GPATCH2L: variants seen among roughly 807,000 people sequenced by gnomAD.
The protein encoded by GPATCH2L is G-patch domain containing 2 like, also known as G patch domain-containing protein 2-like.
GPATCH2L carries 31 observed loss-of-function variants against 57.4 expected under a neutral mutation model. The ratio of observed to expected loss-of-function variants is 0.54; its 90% CI spans 0.41 to 0.73. The LOEUF is 0.73. GPATCH2L is among the 30% of genes least tolerant of loss of function. The pLI, the probability that GPATCH2L is intolerant of heterozygous loss-of-function variation, is 0.00. For synonymous variants in GPATCH2L, 199 were observed against 210.7 expected, an observed-to-expected ratio of 0.94 and a Z score of 0.48; for missense variants, 481 against 599.9, an observed-to-expected ratio of 0.80 and a Z score of 2.07.
rs919752471 is a variant in GPATCH2L at position 76,212,000 on chromosome 14, GGGAGGACA to G, written c.*10152_*10159del. The G allele has an allele frequency of 2.0e-5, 3 of 152,066 alleles. No homozygotes were observed. The highest frequency in any genetic ancestry group is 7.2e-5 in the African/African-American group (3 of 41,398). 9.4% of individuals were successfully genotyped at this position (152,066 alleles called of 1,614,324 possible). On this transcript the variant is annotated 3_prime_UTR_variant, in exon 10 of 10. Transcript: ENST00000261530. Reference sequence around the variant, plus strand: ...TATGTTCCATTATTAAAATAGTATAGGGAGGACAGGTAAATTACTAATTTTTCATTGCT... The same window carrying G: ...TATGTTCCATTATTAAAATAGTATAGGGTAAATTACTAATTTTTCATTGCT...
In GPATCH2L at chr14:76,201,900, A is replaced by G. The variant is rs575740966; in HGVS notation, c.*49A>G. The G allele has an allele frequency of 2.2e-5, 34 of 1,539,522 alleles. No homozygotes were observed. The South Asian group carries it at 3.2e-4, about 15-fold the overall frequency. Reference sequence around the variant, plus strand: ...AGCTGACTGGGTGTTGCTGAAGCAAATGTTGGACTTTGTGTTAGATAGTCT... The same window carrying G: ...AGCTGACTGGGTGTTGCTGAAGCAAGTGTTGGACTTTGTGTTAGATAGTCT... On this transcript the variant is annotated 3_prime_UTR_variant, in exon 10 of 10. Transcript: ENST00000261530.
chr14:76,228,860 G>A (rs114288455), intron 1 of GPATCH2L, among the ~76,000 whole-genome samples: 1 of 152,142 alleles, frequency 6.6e-6, no homozygotes, highest in African/African-American at 2.4e-5. Context: ...TTTCCCTTTG[G>A]GGGGCCTGGA....
chr14:76,195,799 A>G, intron 8 of GPATCH2L, 79 bp from the exon 9 acceptor site: 1 of 1,078,556 alleles, frequency 9.3e-7, no homozygotes. Flanking sequence ...TAGGTTAAGG[A>G]TTTAATCTGG....
intron 8 of GPATCH2L, among the ~76,000 whole-genome samples, chr14:76,189,470 A>G (rs565483005): frequency 6.6e-6 from 1 of 152,044 alleles, no homozygotes; most frequent in South Asian, 2.1e-4. Flanking sequence ...GCCACTATAA[A>G]TGGGGTTAAT....
chr14:76,184,517 A>G (rs1012162059), intron 8 of GPATCH2L, among the ~76,000 whole-genome samples: 27 of 152,054 alleles, frequency 1.8e-4, no homozygotes, highest in African/African-American at 6.5e-4. Context: ...CATTGGGAGG[A>G]TGGTGCATGA....
chr14:76,177,805 C>T lies in GPATCH2L; in HGVS notation c.1053-183C>T, dbSNP rs942652735. The T allele has an allele frequency of 3.9e-6, 3 of 764,392 alleles. No homozygotes were observed. The Admixed American group carries it at 7.2e-5, about 18-fold the overall frequency. The allele number at this position is 764,392 out of a possible 1,614,324, so 47.4% of individuals were successfully genotyped here. On this transcript the variant is annotated intron_variant, in intron 6 of 9. Transcript: ENST00000261530. ...CCTTCTTTGTCTTTACTTAATTATT[C>T]CAACATCTTATCTTCTTCTCCCTTC...
At chr14:76,160,064 G>A (rs1413590125) in intron 2 of GPATCH2L, among the ~76,000 whole-genome samples, 2 of 151,698 alleles carry the variant, frequency 1.3e-5, no homozygotes, top group Non-Finnish European at 2.9e-5. Flanking sequence ...AACCCGGGAG[G>A]CGGAGCTTGC....
intron 8 of GPATCH2L, among the ~76,000 whole-genome samples, chr14:76,191,026 A>G (rs753702870): frequency 3.9e-5 from 6 of 152,136 alleles, no homozygotes; most frequent in Non-Finnish European, 8.8e-5. Context: ...ACAACCATAT[A>G]CTACACTTGA....
intron 7 of GPATCH2L, chr14:76,179,204 G>A (rs1296560337): frequency 6.6e-6 from 1 of 152,058 alleles, no homozygotes; most frequent in Non-Finnish European, 1.5e-5. Context: ...TGTATGAGAT[G>A]ATTTTAGATG....
intron 5 of GPATCH2L, chr14:76,173,968 ACTC>A: frequency 2.9e-6 from 1 of 340,924 alleles, no homozygotes; most frequent in Non-Finnish European, 5.2e-6. Flanking sequence ...CTTCTTTATG[ACTC>A]CTCTTGAATT....
intron 3 of GPATCH2L, 39 bp from the exon 4 acceptor site, chr14:76,171,804 T>G: frequency 4.5e-6 from 6 of 1,326,320 alleles, no homozygotes; most frequent in Non-Finnish European, 6.2e-6. Context: ...TCAGACCTTG[T>G]TTAAAATTCT....
rs116073851 is a variant in GPATCH2L at position 76,181,000 on chromosome 14, T to C, written c.1193+151T>C. On this transcript the variant is annotated intron_variant, in intron 8 of 9. Transcript: ENST00000261530. ...ATAGATGTTTTACAGATGTAGAAACTGAGGCAGAGCAGTGAAGTATCTTTC... is the reference window on the plus strand; with the variant it reads ...ATAGATGTTTTACAGATGTAGAAACCGAGGCAGAGCAGTGAAGTATCTTTC... 543 of 597,096 alleles carry C rather than the reference T, an allele frequency of 9.1e-4. No homozygotes were observed. The African/African-American group carries it at 9.1e-3, about 10-fold the overall frequency. 37.0% of individuals were successfully genotyped at this position (597,096 alleles called of 1,614,324 possible).
chr14:76,178,937 T>A (rs943503428), intron 7 of GPATCH2L: 2 of 152,270 alleles, frequency 1.3e-5, no homozygotes, highest in Admixed American at 1.3e-4. Flanking sequence ...GTTATCGATA[T>A]GTTTCTTTAT....
rs368434857 is a variant in GPATCH2L at position 76,188,403 on chromosome 14, C to A, written c.1194-7475C>A. Among the ~76,000 whole-genome samples, 10 of 152,112 alleles carry A rather than the reference C, an allele frequency of 6.6e-5. No individual in the cohort carries two copies. The East Asian group carries it at 1.7e-3, about 26-fold the overall frequency. ...TTATTAGTTGTATTTTGGATGTAAG[C>A]CATTTTAACTGGGGTCAGATGATGT... is the stretch of plus-strand genomic sequence containing the variant. On this transcript the variant is annotated intron_variant, in intron 8 of 9. Coordinates refer to ENST00000261530, the MANE Select transcript of GPATCH2L (RefSeq NM_017926.4).
At chr14:76,216,905 T>TG (rs2040492414), downstream of GPATCH2L, among the ~76,000 whole-genome samples, 1 of 152,106 alleles carries the variant, frequency 6.6e-6, no homozygotes, top group South Asian at 2.1e-4. Context: ...ATAAAGGTGG[T>TG]GCCCTAAGTC....
chr14:76,193,809 T>C (rs2040061840), intron 8 of GPATCH2L, among the ~76,000 whole-genome samples: 3 of 152,170 alleles, frequency 2.0e-5, no homozygotes, highest in Non-Finnish European at 2.9e-5. Flanking sequence ...TTTAATGAGC[T>C]TCAGATAAAG....
intron 2 of GPATCH2L, among the ~76,000 whole-genome samples, chr14:76,159,590 T>C (rs1251311962): frequency 6.6e-6 from 1 of 152,032 alleles, no homozygotes; most frequent in Non-Finnish European, 1.5e-5. Context: ...CCTCACTGCT[T>C]GATTCTGACC....
intron 6 of GPATCH2L, 162 bp from the exon 7 acceptor site, chr14:76,177,826 C>A: frequency 1.1e-6 from 1 of 933,266 alleles, no homozygotes. Context: ...TCTTCTTCTC[C>A]CTTCTGTAAT....
At chr14:76,158,049 A>G (rs1215503159) in intron 2 of GPATCH2L, among the ~76,000 whole-genome samples, 1 of 152,196 alleles carries the variant, frequency 6.6e-6, no homozygotes, top group East Asian at 1.9e-4. Context: ...GCTATTAGCT[A>G]TTAGGTGACT....
Sources: allele counts gnomAD v4.1 joint callset (sites outside exome capture counted in the v4.1 genomes callset), GRCh38; gene constraint gnomAD v4.1.1; transcripts MANE v1.5; gene names NCBI Gene and HGNC (gene_info 2026-07-23, HGNC 2026-07-21).